Variants in GLIS3 observed in about 807,000 individuals in gnomAD.
GLIS3 encodes zinc finger protein GLIS3.
GLIS3 carries 53 observed loss-of-function variants against 78.6 expected under a neutral mutation model. The observed-to-expected ratio is 0.67, with a 90% CI of 0.54 to 0.85. GLIS3 has a LOEUF of 0.85. Ranked by LOEUF, GLIS3 falls within the 40% of genes least tolerant of loss-of-function variation. GLIS3 has a pLI of 0.00. For missense variants in GLIS3, 1,703 were observed against 1,231.1 expected (o/e 1.38, Z -5.74); for synonymous variants, 684 against 509.9 (o/e 1.34, Z -4.60).
At chr9:4,351,998 A>G (rs991381694), upstream of GLIS3, among the ~76,000 whole-genome samples, 10 of 152,250 alleles carry the variant, frequency 6.6e-5, no homozygotes, top group African/African-American at 2.4e-4. Flanking sequence ...TCTTGGTTAA[A>G]AAGTAAATAA....
intron 3 of GLIS3, among the ~76,000 whole-genome samples, chr9:4,309,776 G>A (rs1055126373): frequency 2.0e-5 from 3 of 151,830 alleles, no homozygotes; most frequent in East Asian, 1.9e-4. Flanking sequence ...CATGACATCA[G>A]GAGATCATCA....
chr9:4,221,153 G>C (rs1821300071), intron 2 of GLIS3, among the ~76,000 whole-genome samples: 1 of 152,160 alleles, frequency 6.6e-6, no homozygotes, highest in Admixed American at 6.5e-5. Context: ...GAATGATTCA[G>C]CAAAGAAACG....
At chr9:3,984,692 A>C (rs1163025666) in intron 4 of GLIS3, among the ~76,000 whole-genome samples, 1 of 152,070 alleles carries the variant, frequency 6.6e-6, no homozygotes, top group Non-Finnish European at 1.5e-5. Context: ...GAGGACATAA[A>C]ATTTTGGAGG....
intron 4 of GLIS3, among the ~76,000 whole-genome samples, chr9:4,093,507 A>G (rs1433482415): frequency 6.6e-6 from 1 of 152,192 alleles, no homozygotes; most frequent in Non-Finnish European, 1.5e-5. Flanking sequence ...AAGGCTTAAA[A>G]ATAACTCAGG....
intron 2 of GLIS3, among the ~76,000 whole-genome samples, chr9:4,273,352 C>T (rs1826689939): frequency 2.0e-5 from 3 of 152,084 alleles, no homozygotes; most frequent in South Asian, 4.1e-4. Flanking sequence ...TCCAGCATTT[C>T]GGAAGGCTGA....
chr9:3,859,039 G>A (rs1322948074), intron 8 of GLIS3, among the ~76,000 whole-genome samples: 1 of 152,120 alleles, frequency 6.6e-6, no homozygotes, highest in Non-Finnish European at 1.5e-5. Context: ...GGGGTGAGAG[G>A]ACAGGAGAGG....
At chr9:3,867,291 C>T (rs1820649425) in intron 8 of GLIS3, among the ~76,000 whole-genome samples, 1 of 152,196 alleles carries the variant, frequency 6.6e-6, no homozygotes, top group Non-Finnish European at 1.5e-5. Context: ...CATTCACAAT[C>T]ACTAGACTGG....
At chr9:4,437,175 T>C in the GLIS3 span, among the ~76,000 whole-genome samples, 1 of 152,210 alleles carries the variant, frequency 6.6e-6, no homozygotes, top group Non-Finnish European at 1.5e-5. Flanking sequence ...ATTTGAATCC[T>C]TTCATGGTTT....
At chr9:4,218,201 G>C (rs948133883) in intron 2 of GLIS3, among the ~76,000 whole-genome samples, 1 of 152,098 alleles carries the variant, frequency 6.6e-6, no homozygotes, top group Middle Eastern at 3.2e-3. Flanking sequence ...AGTCTTTGAT[G>C]ATATTTAACA....
At chr9:4,158,094 A>G (rs915897870) in intron 2 of GLIS3, among the ~76,000 whole-genome samples, 1 of 152,146 alleles carries the variant, frequency 6.6e-6, no homozygotes, top group African/African-American at 2.4e-5. Flanking sequence ...TCATCCACAC[A>G]TATTTTCTTA....
chr9:4,223,588 G>C (rs1054476591), intron 2 of GLIS3, among the ~76,000 whole-genome samples: 2 of 151,732 alleles, frequency 1.3e-5, no homozygotes, highest in Non-Finnish European at 2.9e-5. Flanking sequence ...TGTTTTAATC[G>C]GCCTCTAAAA....
intron 6 of GLIS3, among the ~76,000 whole-genome samples, chr9:3,926,094 C>A (rs901714521): frequency 6.6e-6 from 1 of 152,176 alleles, no homozygotes; most frequent in Non-Finnish European, 1.5e-5. Flanking sequence ...TTAAGGAGGA[C>A]AGGCTGCAGA....
At chr9:3,967,440 T>C (rs976535064) in intron 4 of GLIS3, among the ~76,000 whole-genome samples, 1 of 151,332 alleles carries the variant, frequency 6.6e-6, no homozygotes, top group Admixed American at 6.6e-5. Context: ...GAGGCAGAGG[T>C]TGTAGTGAGC....
At chr9:3,960,084 C>T (rs578034284) in intron 4 of GLIS3, among the ~76,000 whole-genome samples, 21 of 152,250 alleles carry the variant, frequency 1.4e-4, no homozygotes, top group African/African-American at 4.8e-4. Context: ...TTGCAGTGAG[C>T]CGAGATGGAG....
intron 2 of GLIS3, among the ~76,000 whole-genome samples, chr9:4,187,277 C>G (rs1306631232): frequency 2.6e-5 from 4 of 152,144 alleles, no homozygotes; most frequent in Admixed American, 6.6e-5. Context: ...GCTTGTTTTT[C>G]TCAGGTTTGT....
At chr9:4,236,558 T>G (rs1587088743) in intron 2 of GLIS3, among the ~76,000 whole-genome samples, 1 of 152,206 alleles carries the variant, frequency 6.6e-6, no homozygotes, top group African/African-American at 2.4e-5. Flanking sequence ...TACCTCATTT[T>G]AAGAAAACCT....
chr9:4,460,541 A>G, the GLIS3 span, among the ~76,000 whole-genome samples: 1 of 152,164 alleles, frequency 6.6e-6, no homozygotes. Flanking sequence ...CTAGTGCAGG[A>G]AAAACACAAT....
chr9:4,152,923 C>A (rs1340097270), intron 2 of GLIS3, among the ~76,000 whole-genome samples: 1 of 152,198 alleles, frequency 6.6e-6, no homozygotes, highest in Non-Finnish European at 1.5e-5. Flanking sequence ...TATGTTCATT[C>A]TTCCTAACTT....
At chr9:4,214,100 G>A (rs1350302567) in intron 2 of GLIS3, among the ~76,000 whole-genome samples, 1 of 152,166 alleles carries the variant, frequency 6.6e-6, no homozygotes, top group African/African-American at 2.4e-5. Context: ...AGCCTCTGCT[G>A]CCCAGCATAG....
Sources: allele counts gnomAD v4.1 joint callset (sites outside exome capture counted in the v4.1 genomes callset), GRCh38; gene constraint gnomAD v4.1.1; transcripts MANE v1.5; gene names NCBI Gene and HGNC (gene_info 2026-07-23, HGNC 2026-07-21).